Variants in CACNA2D3 observed in about 807,000 individuals in gnomAD.
CACNA2D3 encodes calcium voltage-gated channel auxiliary subunit alpha2delta 3.
In CACNA2D3, 60 loss-of-function variants were observed where a neutral mutation model predicts 160.6. The ratio of observed to expected loss-of-function variants is 0.37; its 90% CI spans 0.30 to 0.46. The LOEUF (loss-of-function observed/expected upper bound fraction) is 0.46. Among genes scored for constraint, CACNA2D3 ranks in the 20% least tolerant of loss-of-function variants. The pLI is 1.00. For missense variants in CACNA2D3, 1,205 were observed against 1,365.0 expected (o/e 0.88, Z 1.85); for synonymous variants, 558 against 492.9 (o/e 1.13, Z -1.75).
chr3:54,955,725 C>T (rs935973341), intron 27 of CACNA2D3, among the ~76,000 whole-genome samples: 4 of 152,108 alleles, frequency 2.6e-5, no homozygotes, highest in Admixed American at 2.6e-4. Context: ...CCTCTGTCTA[C>T]CGAGGGGGCT....
At position 55,023,235 on chromosome 3, in the gene CACNA2D3, A is replaced by G. The variant is rs537388531; in HGVS notation, c.2987+4918A>G. On this transcript the variant is annotated intron_variant, in intron 35 of 37. Transcript: ENST00000474759. ...CTCCCCCGTTTCGGATGGCTTTTAC[A>G]GTGTTCAGTCTCTCTCGAATGTTCT... 1.8e-3 allele frequency among the ~76,000 whole-genome samples: 273 copies of G among 152,260 alleles called. 1 individual carries two copies. The highest frequency in any genetic ancestry group is 6.5e-3 in the African/African-American group (270 of 41,556).
intron 3 of CACNA2D3, among the ~76,000 whole-genome samples, chr3:54,320,981 A>C (rs1162806960): frequency 1.3e-5 from 2 of 152,190 alleles, no homozygotes; most frequent in African/African-American, 4.8e-5. Flanking sequence ...AGTGTGTCAT[A>C]ATTGATATAA....
In CACNA2D3 at chr3:54,528,733, A is replaced by G. The variant is rs187157062; in HGVS notation, c.544+25079A>G. Among the ~76,000 whole-genome samples, 26 of 152,286 alleles carry G rather than the reference A, an allele frequency of 1.7e-4. No individual in the cohort carries two copies. The East Asian group carries it at 4.1e-3, about 24-fold the overall frequency. On this transcript the variant is annotated intron_variant, in intron 5 of 37. Transcript: ENST00000474759. ...GAATTTGTGAGATTATCAAGCAGCT[A>G]TCAGCTTGTGGGCTGACATTTCTGT...
intron 34 of CACNA2D3, among the ~76,000 whole-genome samples, chr3:55,016,824 A>G (rs1703335827): frequency 6.6e-6 from 1 of 152,212 alleles, no homozygotes. Flanking sequence ...CCTCAAAATA[A>G]TTAAACCTCA....
chr3:54,435,394 T>G (rs143569336), intron 4 of CACNA2D3, among the ~76,000 whole-genome samples: 2 of 152,286 alleles, frequency 1.3e-5, no homozygotes, highest in Non-Finnish European at 2.9e-5. Flanking sequence ...GAGCTGAGCT[T>G]ACACCCCTGC....
At chr3:55,010,735 C>T (rs1352746598) in intron 34 of CACNA2D3, among the ~76,000 whole-genome samples, 1 of 152,190 alleles carries the variant, frequency 6.6e-6, no homozygotes, top group Non-Finnish European at 1.5e-5. Context: ...CATTCCCTTT[C>T]CTTTCCCTTA....
intron 2 of CACNA2D3, among the ~76,000 whole-genome samples, chr3:54,308,099 C>T (rs1703651522): frequency 6.6e-6 from 1 of 152,194 alleles, no homozygotes; most frequent in Admixed American, 6.5e-5. Flanking sequence ...ATCCATCTTG[C>T]AGATTGTTCC....
intron 11 of CACNA2D3, among the ~76,000 whole-genome samples, chr3:54,718,410 A>AT (rs1701102909): frequency 6.6e-6 from 1 of 152,186 alleles, no homozygotes. Context: ...TCTGGAATTA[A>AT]TTATGGCTTA....
intron 5 of CACNA2D3, among the ~76,000 whole-genome samples, chr3:54,505,628 C>T (rs1701357160): frequency 6.6e-6 from 1 of 152,132 alleles, no homozygotes; most frequent in African/African-American, 2.4e-5. Context: ...AAAAGAAAGC[C>T]ATCTTCTTGG....
intron 2 of CACNA2D3, among the ~76,000 whole-genome samples, chr3:54,165,600 T>TTAA (rs1553741735): frequency 2.1e-5 from 2 of 93,428 alleles, no homozygotes; most frequent in African/African-American, 4.0e-5. Context: ...GTTCCATCTC[T>TTAA]AAAAAAAAAA....
intron 2 of CACNA2D3, among the ~76,000 whole-genome samples, chr3:54,263,662 T>C (rs899207611): frequency 2.0e-5 from 3 of 152,180 alleles, no homozygotes; most frequent in African/African-American, 7.2e-5. Flanking sequence ...GGCTGGTTTG[T>C]GGGTTTCTCA....
chr3:54,661,342 A>C (rs1699966541), intron 11 of CACNA2D3, among the ~76,000 whole-genome samples: 1 of 152,190 alleles, frequency 6.6e-6, no homozygotes, highest in African/African-American at 2.4e-5. Context: ...CTTTCAGATG[A>C]TGTGTTTCTA....
intron 2 of CACNA2D3, among the ~76,000 whole-genome samples, chr3:54,259,981 C>T (rs1011888695): frequency 2.6e-5 from 4 of 152,192 alleles, no homozygotes; most frequent in Non-Finnish European, 5.9e-5. Context: ...GTTTCCTCCT[C>T]CTTCTCCTTG....
At chr3:54,986,199 T>G (rs111325356) in intron 30 of CACNA2D3, among the ~76,000 whole-genome samples, 2,480 of 152,244 alleles carry the variant, frequency 0.016, 53 homozygotes, top group African/African-American at 0.056. Context: ...GGGTGAGTCC[T>G]GGAGCAGCCA....
At chr3:54,217,253 A>AG (rs113595303) in intron 2 of CACNA2D3, among the ~76,000 whole-genome samples, 1,684 of 152,212 alleles carry the variant, frequency 0.011, 28 homozygotes, top group African/African-American at 0.038. Flanking sequence ...CTCTGGGCCC[A>AG]GGGGGGCTGG....
chr3:54,279,067 C>T (rs1268907566), intron 2 of CACNA2D3, among the ~76,000 whole-genome samples: 3 of 152,154 alleles, frequency 2.0e-5, no homozygotes, highest in South Asian at 2.1e-4. Context: ...GATCCTGCGA[C>T]GATACCTAAT....
At chr3:54,352,665 A>G (rs1006028841) in intron 3 of CACNA2D3, among the ~76,000 whole-genome samples, 4 of 152,214 alleles carry the variant, frequency 2.6e-5, no homozygotes, top group Non-Finnish European at 5.9e-5. Flanking sequence ...AGTTTGGGGT[A>G]CTTCCACAAA....
chr3:54,561,853 A>G (rs1702330496), intron 5 of CACNA2D3, among the ~76,000 whole-genome samples: 1 of 151,812 alleles, frequency 6.6e-6, no homozygotes, highest in South Asian at 2.1e-4. Context: ...GGTTTAACTG[A>G]CTCACAGTTC....
chr3:54,277,818 T>A (rs1457714803), intron 2 of CACNA2D3, among the ~76,000 whole-genome samples: 1 of 152,216 alleles, frequency 6.6e-6, no homozygotes, highest in Non-Finnish European at 1.5e-5. Context: ...CAGTGGTTTG[T>A]AATTCTCCTT....
Sources: gnomAD v4.1 joint callset for allele counts (sites outside exome capture counted in the v4.1 genomes callset) on GRCh38, gnomAD v4.1.1 for gene constraint, MANE v1.5 for transcripts, NCBI Gene and HGNC (gene_info 2026-07-23, HGNC 2026-07-21) for gene names.